The following CTDSPL2 variants were observed in gnomAD, a reference collection of about 807,000 sequenced individuals.
CTDSPL2 encodes CTD small phosphatase-like protein 2.
CTDSPL2 carries 5 observed loss-of-function variants against 60.0 expected under a neutral mutation model. The ratio of observed to expected loss-of-function variants is 0.08; its 90% CI spans 0.04 to 0.18. The LOEUF (loss-of-function observed/expected upper bound fraction) is 0.18, where lower values mean the gene tolerates loss of function less well. Ranked by LOEUF, CTDSPL2 falls within the 10% of genes least tolerant of loss-of-function variation. The probability of loss-of-function intolerance (pLI) is 1.00; values close to 1 mark genes in which losing one functional copy is unlikely to be tolerated. For missense variants in CTDSPL2, 370 were observed against 548.8 expected (o/e 0.67, Z 3.26); for synonymous variants, 186 against 189.3 (o/e 0.98, Z 0.14).
intron 3 of CTDSPL2, among the ~76,000 whole-genome samples, chr15:44,484,759 T>G (rs1006036469): frequency 6.6e-6 from 1 of 152,112 alleles, no homozygotes; most frequent in Admixed American, 6.5e-5. Context: ...ACAAAACTAC[T>G]TTGAGTAATT....
At chr15:44,522,351 A>G (rs1179717249) in intron 12 of CTDSPL2, among the ~76,000 whole-genome samples, 4 of 152,130 alleles carry the variant, frequency 2.6e-5, no homozygotes, top group Non-Finnish European at 4.4e-5. Flanking sequence ...CAGACTTTAT[A>G]TATTATATTA....
chr15:44,497,877 A>G (rs2081327521), intron 7 of CTDSPL2, among the ~76,000 whole-genome samples: 1 of 152,058 alleles, frequency 6.6e-6, no homozygotes, highest in Admixed American at 6.6e-5. Flanking sequence ...CACACCTGTA[A>G]TCTCAGCTAC....
At chr15:44,444,583 C>G (rs1276897299) in intron 1 of CTDSPL2, among the ~76,000 whole-genome samples, 1 of 151,560 alleles carries the variant, frequency 6.6e-6, no homozygotes, top group Non-Finnish European at 1.5e-5. Flanking sequence ...TGAGCTCAGG[C>G]GATCTACCCT....
At chr15:44,463,890 G>T (rs1470938717) in intron 2 of CTDSPL2, among the ~76,000 whole-genome samples, 5 of 152,144 alleles carry the variant, frequency 3.3e-5, no homozygotes, top group Non-Finnish European at 7.3e-5. Flanking sequence ...TTTTATAGGT[G>T]AGAACAACAG....
intron 8 of CTDSPL2, among the ~76,000 whole-genome samples, chr15:44,505,622 T>G (rs552515298): frequency 3.4e-4 from 52 of 151,424 alleles, no homozygotes; most frequent in Non-Finnish European, 6.6e-4. Context: ...TAATCTCAGC[T>G]ACTCGGGAGG....
intron 1 of CTDSPL2, among the ~76,000 whole-genome samples, chr15:44,446,431 C>T (rs918446512): frequency 1.4e-4 from 21 of 151,794 alleles, no homozygotes; most frequent in Non-Finnish European, 2.4e-4. Context: ...TGTTCGAAAC[C>T]GCCCTGGCCA....
In CTDSPL2 at chr15:44,472,530, A is replaced by C. The variant is rs186641581; in HGVS notation, c.187-11694A>C. 2.0e-3 allele frequency among the ~76,000 whole-genome samples: 293 copies of C among 147,484 alleles called. 1 individual carries two copies. The highest frequency in any genetic ancestry group is 7.0e-3 in the African/African-American group (284 of 40,402). ...TTAATTGTATTATTTTTATTATTGA[A>C]TTGTAAGAGGTGGTTTTTTTTTTTT... On this transcript the variant is annotated intron_variant, in intron 2 of 12. Coordinates refer to ENST00000260327, the MANE Select transcript of CTDSPL2 (RefSeq NM_016396.3).
At chr15:44,498,022 A>G (rs1048423188) in intron 7 of CTDSPL2, among the ~76,000 whole-genome samples, 6 of 151,976 alleles carry the variant, frequency 3.9e-5, no homozygotes, top group Non-Finnish European at 8.8e-5. Flanking sequence ...ATTTTAGGGT[A>G]CCAGAAAAGC....
chr15:44,503,993 T>C (rs908057942), intron 8 of CTDSPL2: 1 of 152,198 alleles, frequency 6.6e-6, no homozygotes, highest in Admixed American at 6.5e-5. Context: ...CTTACCCGCG[T>C]CCCCATTCTT....
At chr15:44,445,682 G>A (rs1311457996) in intron 1 of CTDSPL2, among the ~76,000 whole-genome samples, 2 of 151,394 alleles carry the variant, frequency 1.3e-5, no homozygotes, top group African/African-American at 2.4e-5. Context: ...CTGTCGCCTG[G>A]GCTGGAGTGC....
At chr15:44,492,427 TCTTTTA>T (rs2081232206) in intron 5 of CTDSPL2, among the ~76,000 whole-genome samples, 1 of 152,236 alleles carries the variant, frequency 6.6e-6, no homozygotes, top group Admixed American at 6.5e-5. Flanking sequence ...AACTTCCAAT[TCTTTTA>T]CTTTACAATG....
At chr15:44,455,038 A>G (rs2080405822) in intron 1 of CTDSPL2, among the ~76,000 whole-genome samples, 1 of 152,138 alleles carries the variant, frequency 6.6e-6, no homozygotes, top group African/African-American at 2.4e-5. Context: ...TTTTCACGAT[A>G]TTGATTCTTC....
rs150976153 is a variant in CTDSPL2 at position 44,442,515 on chromosome 15, G to T, written c.-25+14743G>T. On this transcript the variant is annotated intron_variant, in intron 1 of 12. Transcript: ENST00000260327. ...AAGATGAAGTATTTTAGCACTTGGT[G>T]TACCTGACAATTTGCCATTTTTTGT... is the stretch of plus-strand genomic sequence containing the variant. Among the ~76,000 whole-genome samples, 337 of 151,848 alleles carry T rather than the reference G, an allele frequency of 2.2e-3. 1 individual carries two copies. The highest frequency in any genetic ancestry group is 7.8e-3 in the African/African-American group (325 of 41,432).
intron 8 of CTDSPL2, chr15:44,502,021 A>G (rs751925828): frequency 2.2e-6 from 1 of 453,344 alleles, no homozygotes; most frequent in South Asian, 1.6e-5. Context: ...AGATGATCTA[A>G]GAGATATTGG....
chr15:44,524,111 TGAA>T lies in CTDSPL2; in HGVS notation c.1341_1343del (p.Glu447del). The T allele has an allele frequency of 6.2e-7, 1 of 1,613,682 alleles. No homozygotes were observed. Among genetic ancestry groups the T allele is most frequent in the Non-Finnish European group, 8.5e-7 (1 of 1,179,706 alleles). ...AAAATTGTCTTTTTTCCACGCAGAA[TGAA>T]GATGTTCGACCACACATCAGAGACA... On this transcript the variant is annotated inframe_deletion, in exon 13 of 13. Coordinates refer to ENST00000260327, the MANE Select transcript of CTDSPL2 (RefSeq NM_016396.3).
intron 2 of CTDSPL2, among the ~76,000 whole-genome samples, chr15:44,460,172 G>A (rs918827756): frequency 6.6e-6 from 1 of 152,076 alleles, no homozygotes; most frequent in African/African-American, 2.4e-5. Context: ...GTGCAGTGGC[G>A]CATTCTCCGC....
chr15:44,469,968 G>A (rs1413890470), intron 2 of CTDSPL2, among the ~76,000 whole-genome samples: 1 of 151,864 alleles, frequency 6.6e-6, no homozygotes, highest in African/African-American at 2.4e-5. Context: ...TGTGGTGGCA[G>A]GCACCTGTGG....
At position 44,506,412 on chromosome 15, in the gene CTDSPL2, CTTTTTTTT is replaced by C. The variant is rs764238056; in HGVS notation, c.969+6613_969+6620del. Among the ~76,000 whole-genome samples the C allele has an allele frequency of 7.4e-3, 836 of 112,396 alleles. 8 individuals carry two copies. Among genetic ancestry groups the C allele is most frequent in the African/African-American group, 0.029 (783 of 27,382 alleles). 73.7% of individuals were successfully genotyped at this position (112,396 alleles called of 152,430 possible). On this transcript the variant is annotated intron_variant, in intron 8 of 12. Transcript: ENST00000260327. ...TAAGCTTCATTTTATCCTACTTTGACTTTTTTTTTTTTTTTTTTTTTGGAGGCATGGTG... is the reference window on the plus strand; with the variant it reads ...TAAGCTTCATTTTATCCTACTTTGACTTTTTTTTTTTTTGGAGGCATGGTG...
At chr15:44,462,809 C>T (rs2056042573) in intron 2 of CTDSPL2, among the ~76,000 whole-genome samples, 1 of 145,040 alleles carries the variant, frequency 6.9e-6, no homozygotes, top group South Asian at 2.2e-4. Flanking sequence ...TGGGTTCAAG[C>T]GATCCTTTTC....
Sources: gnomAD v4.1 joint callset for allele counts (sites outside exome capture counted in the v4.1 genomes callset) on GRCh38, gnomAD v4.1.1 for gene constraint, MANE v1.5 for transcripts, NCBI Gene and HGNC (gene_info 2026-07-23, HGNC 2026-07-21) for gene names.